Variants in LRRC53 observed in about 807,000 individuals in gnomAD.
The protein encoded by LRRC53 is leucine rich repeat containing 53, also known as leucine-rich repeat-containing protein 53.
LRRC53 carries 25 observed loss-of-function variants against 13.6 expected under a neutral mutation model. The observed-to-expected ratio is 1.83, with a 90% confidence interval of 1.34 to 2.56. The LOEUF (loss-of-function observed/expected upper bound fraction) is 2.56, where lower values mean the gene tolerates loss of function less well. Ranked by LOEUF, LRRC53 falls within the 30% of genes most tolerant of loss-of-function variation. The pLI, the probability that LRRC53 is intolerant of heterozygous loss-of-function variation, is 0.00. For missense variants in LRRC53, 527 were observed against 275.8 expected, an observed-to-expected ratio of 1.91 and a Z score of -6.45; for synonymous variants, 204 against 109.8, an observed-to-expected ratio of 1.86 and a Z score of -5.37.
chr1:74,531,155 T>G, the LRRC53 span, among the ~76,000 whole-genome samples: 1 of 152,168 alleles, frequency 6.6e-6, no homozygotes, highest in Non-Finnish European at 1.5e-5. Context: ...GGGTTTGATA[T>G]TCCTGAAAGA....
At chr1:74,517,994 T>A in the LRRC53 span, among the ~76,000 whole-genome samples, 1 of 152,294 alleles carries the variant, frequency 6.6e-6, no homozygotes, top group African/African-American at 2.4e-5. Flanking sequence ...GTGGTCAGCA[T>A]ACGGTGGGAA....
At chr1:74,535,276 C>A in the LRRC53 span, among the ~76,000 whole-genome samples, 1 of 152,076 alleles carries the variant, frequency 6.6e-6, no homozygotes, top group Admixed American at 6.6e-5. Flanking sequence ...TCGACACCAG[C>A]CTGACCAACA....
chr1:74,487,415 G>A (rs138236864), intron 1 of LRRC53, among the ~76,000 whole-genome samples: 1 of 152,150 alleles, frequency 6.6e-6, no homozygotes, highest in African/African-American at 2.4e-5. Context: ...AGAGTGAATG[G>A]ACTAGAAATA....
At chr1:74,529,190 A>C in the LRRC53 span, among the ~76,000 whole-genome samples, 1 of 152,218 alleles carries the variant, frequency 6.6e-6, no homozygotes, top group African/African-American at 2.4e-5. Flanking sequence ...AGAGAAAAAG[A>C]GTAATTTTAT....
rs183213928 is a variant in LRRC53 at position 74,512,260 on chromosome 1, T to C, written c.-27+266A>G. ...CATGGAGCTAGGGATAATATGGTAATCTAGATGAGACATGAGTGACATAGA... is the reference window on the plus strand; with the variant it reads ...CATGGAGCTAGGGATAATATGGTAACCTAGATGAGACATGAGTGACATAGA... On this transcript the variant is annotated intron_variant, in intron 1 of 4. Coordinates refer to ENST00000294635, the MANE Select transcript of LRRC53 (RefSeq NM_001382280.1). Among the ~76,000 whole-genome samples, 418 of 152,248 alleles carry C rather than the reference T, an allele frequency of 2.7e-3. 1 individual carries two copies. Among genetic ancestry groups the C allele is most frequent in the Admixed American group, 6.3e-3 (96 of 15,298 alleles).
At chr1:74,511,995 C>A (rs574230751) in intron 1 of LRRC53, among the ~76,000 whole-genome samples, 2 of 152,192 alleles carry the variant, frequency 1.3e-5, no homozygotes, top group Admixed American at 1.3e-4. Context: ...GTTCAGTACC[C>A]AAGGAAAATC....
chr1:74,483,457 AT>A, intron 1 of LRRC53, 82 bp from the exon 2 acceptor site: 1 of 625,070 alleles, frequency 1.6e-6, no homozygotes, highest in Non-Finnish European at 3.0e-6. Context: ...GTCATGAGGC[AT>A]TTTGGTAATT....
At position 74,480,466 on chromosome 1, in the gene LRRC53, C is replaced by T. The variant is rs1037808014; in HGVS notation, c.591G>A (p.Pro197=). 5 of 717,364 alleles carry T rather than the reference C, an allele frequency of 7.0e-6. No homozygotes were observed. Among genetic ancestry groups the T allele is most frequent in the Middle Eastern group, 2.3e-4 (1 of 4,394 alleles). 44.4% of individuals were successfully genotyped at this position (717,364 alleles called of 1,614,324 possible). Residue 197 remains proline (P), a synonymous_variant, in exon 3 of 5, where the codon CCG becomes CCA. Transcript: ENST00000294635. The stretch of plus-strand genomic sequence containing the variant: ...ACTGCTTCAGTGGAGTAAACACATC[C>T]GGCATGTGGGCTAACCTATTTCGGG... ...DLSRNRLAHM[P]DVFTPLKQLI...
intron 3 of LRRC53, among the ~76,000 whole-genome samples, chr1:74,478,965 C>T (rs1668342558): frequency 6.6e-6 from 1 of 152,174 alleles, no homozygotes; most frequent in Non-Finnish European, 1.5e-5. Context: ...AGTTGGATTA[C>T]TGCTGATGGT....
At chr1:74,509,747 C>CTTTTTT (rs68193106) in intron 1 of LRRC53, among the ~76,000 whole-genome samples, 20 of 47,816 alleles carry the variant, frequency 4.2e-4, no homozygotes, top group South Asian at 1.4e-3. Context: ...ATCTGAATTT[C>CTTTTTT]TTTTTTTTTT....
intron 2 of LRRC53, 89 bp downstream of exon 2, chr1:74,483,173 C>G (rs1668587938): frequency 1.5e-6 from 1 of 673,840 alleles, no homozygotes; most frequent in South Asian, 1.6e-5. Flanking sequence ...TTAAGCTGAG[C>G]CCAGAGAACA....
the LRRC53 span, among the ~76,000 whole-genome samples, chr1:74,533,719 AT>A: frequency 6.6e-6 from 1 of 151,282 alleles, no homozygotes; most frequent in Non-Finnish European, 1.5e-5. Context: ...ACACCATGGA[AT>A]ACTATGCAGC....
intron 2 of LRRC53, 82 bp downstream of exon 2, chr1:74,483,180 A>T: frequency 2.9e-6 from 2 of 687,334 alleles, no homozygotes; most frequent in Admixed American, 4.1e-5. Context: ...GAGCCCAGAG[A>T]ACAGTCAGTA....
intron 1 of LRRC53, among the ~76,000 whole-genome samples, chr1:74,504,554 G>C (rs1479340223): frequency 6.6e-6 from 1 of 152,008 alleles, no homozygotes; most frequent in Non-Finnish European, 1.5e-5. Flanking sequence ...AAAATATTCT[G>C]TTCAAAAGAG....
At position 74,471,025 on chromosome 1, in the gene LRRC53, G is replaced by A. The variant is rs1321383878; in HGVS notation, c.2597C>T (p.Thr866Ile). Residue 866 changes from threonine to isoleucine, a missense_variant, in exon 5 of 5, where the codon ACT becomes ATT. Transcript: ENST00000294635. Reference protein sequence around the residue: ...QFSTEQMEDATQLESKVLSYL... With the variant: ...QFSTEQMEDAIQLESKVLSYL... ...ACTAAGCACTTTTGATTCAAGCTGA[G>A]TTGCATCTTCCATTTGCTCAGTTGA... is the stretch of plus-strand genomic sequence containing the variant. 2.5e-6 allele frequency: 1 copy of A among 400,600 alleles called. No homozygotes were observed. Among genetic ancestry groups the A allele is most frequent in the Non-Finnish European group, 4.4e-6 (1 of 226,196 alleles). The allele number at this position is 400,600 out of a possible 1,614,324, so 24.8% of individuals were successfully genotyped here. A position where few individuals can be genotyped will look rare whatever the true frequency, so the allele number is the denominator to read the frequency against.
At chr1:74,519,293 T>A in the LRRC53 span, among the ~76,000 whole-genome samples, 3 of 85,446 alleles carry the variant, frequency 3.5e-5, no homozygotes, top group Non-Finnish European at 4.3e-5. Flanking sequence ...TGTTGGACAT[T>A]TGGGTTGGTT....
At chr1:74,526,363 T>C in the LRRC53 span, among the ~76,000 whole-genome samples, 1 of 152,098 alleles carries the variant, frequency 6.6e-6, no homozygotes, top group Non-Finnish European at 1.5e-5. Context: ...ATAAAATTGG[T>C]TTTGTGATTT....
At chr1:74,484,317 C>T (rs1319057129) in intron 1 of LRRC53, among the ~76,000 whole-genome samples, 1 of 151,772 alleles carries the variant, frequency 6.6e-6, no homozygotes, top group Non-Finnish European at 1.5e-5. Context: ...ATGATTAATT[C>T]TATCATTTGT....
intron 1 of LRRC53, chr1:74,489,129 C>T: frequency 6.8e-7 from 1 of 1,461,536 alleles, no homozygotes; most frequent in Non-Finnish European, 9.4e-7. Context: ...ATTTTAACAT[C>T]CAAAGAGAGT....
Sources: allele counts gnomAD v4.1 joint callset (sites outside exome capture counted in the v4.1 genomes callset), GRCh38; gene constraint gnomAD v4.1.1; transcripts MANE v1.5; gene names NCBI Gene and HGNC (gene_info 2026-07-23, HGNC 2026-07-21).